BCKDHB: variants seen among roughly 807,000 people sequenced by gnomAD.
BCKDHB encodes the protein branched chain keto acid dehydrogenase E1 subunit beta.
In BCKDHB, 41 loss-of-function variants were observed where a neutral mutation model predicts 48.5. The observed-to-expected ratio is 0.85, with a 90% confidence interval of 0.66 to 1.10. The LOEUF (loss-of-function observed/expected upper bound fraction) is 1.10, where lower values mean the gene tolerates loss of function less well. Ranked by LOEUF, BCKDHB falls within the 50% of genes least tolerant of loss-of-function variation. The pLI is 0.00. For synonymous variants in BCKDHB, 201 were observed against 174.8 expected, an observed-to-expected ratio of 1.15 and a Z score of -1.18; for missense variants, 496 against 494.2, an observed-to-expected ratio of 1.00 and a Z score of -0.03.
At chr6:80,288,122 T>A (rs1190376446) in intron 9 of BCKDHB, among the ~76,000 whole-genome samples, 1 of 152,126 alleles carries the variant, frequency 6.6e-6, no homozygotes, top group Admixed American at 6.6e-5. Context: ...TGTTAGTAGT[T>A]AGTATTACGC....
chr6:80,213,099 T>C (rs1775013904), intron 8 of BCKDHB, among the ~76,000 whole-genome samples: 1 of 152,186 alleles, frequency 6.6e-6, no homozygotes, highest in Non-Finnish European at 1.5e-5. Flanking sequence ...AGTTTAACAA[T>C]GCTATGAAAA....
chr6:80,200,929 T>C lies in BCKDHB; in HGVS notation c.743-5T>C. ...CCTTTTTTTTTTTTCCTGTTCTGTA[T>C]TTAGCGGAAGAAGTCCCTATAGAAC... is the stretch of plus-strand genomic sequence containing the variant. On this transcript the variant is annotated splice_polypyrimidine_tract_variant and splice_region_variant and intron_variant, in intron 6 of 9. Transcript: ENST00000320393. 1 of 1,598,914 alleles carries C rather than the reference T, an allele frequency of 6.3e-7. No homozygotes were observed. The highest frequency in any genetic ancestry group is 8.6e-7 in the Non-Finnish European group (1 of 1,166,516).
At chr6:80,410,630 G>C in the BCKDHB span, among the ~76,000 whole-genome samples, 1 of 152,146 alleles carries the variant, frequency 6.6e-6, no homozygotes, top group African/African-American at 2.4e-5. Context: ...TTTCTTGGAG[G>C]CTTTGTTCAT....
intron 6 of BCKDHB, among the ~76,000 whole-genome samples, chr6:80,182,710 A>G (rs2490245): frequency 0.65 from 99,543 of 151,980 alleles, 33,455 homozygotes; most frequent in African/African-American, 0.8. Context: ...CAGATTTTGT[A>G]TGTGTAACAT....
chr6:80,362,551 A>G, the BCKDHB span, among the ~76,000 whole-genome samples: 1 of 152,128 alleles, frequency 6.6e-6, no homozygotes, highest in Non-Finnish European at 1.5e-5. Context: ...ACTCATAGAT[A>G]AGGGCAACCA....
rs565443322 is a variant in BCKDHB, at chr6:80,208,315, G to A, written c.951+5103G>A. Among the ~76,000 whole-genome samples, 3 of 151,774 alleles carry A rather than the reference G, an allele frequency of 2.0e-5. No individual in the cohort carries two copies. In the East Asian group the frequency reaches 5.8e-4, roughly 29 times the overall value. ...AGATAGAATATATCAAAAGTTTCAA[G>A]AACCAGCTTAAGCCATGCTCAGAGG... On this transcript the variant is annotated intron_variant, in intron 8 of 9. Transcript: ENST00000320393.
the BCKDHB span, among the ~76,000 whole-genome samples, chr6:80,392,384 A>G: frequency 6.6e-6 from 1 of 150,822 alleles, no homozygotes; most frequent in Admixed American, 6.6e-5. Flanking sequence ...TTTATTTTGA[A>G]CTTTCCTTTA....
intron 9 of BCKDHB, among the ~76,000 whole-genome samples, chr6:80,295,173 A>G (rs1220748400): frequency 6.6e-6 from 1 of 152,166 alleles, no homozygotes. Flanking sequence ...CTACATTGAT[A>G]TATTGGGGGT....
chr6:80,306,782 G>A (rs1429637707), intron 9 of BCKDHB, among the ~76,000 whole-genome samples: 7 of 152,132 alleles, frequency 4.6e-5, no homozygotes, highest in African/African-American at 1.7e-4. Context: ...TAGCAGGCTT[G>A]AGTACTCTCA....
At chr6:80,138,600 A>G (rs1248420370) in intron 3 of BCKDHB, among the ~76,000 whole-genome samples, 3 of 152,124 alleles carry the variant, frequency 2.0e-5, no homozygotes, top group African/African-American at 4.8e-5. Flanking sequence ...AGTTTCATCC[A>G]TGTCCCTACA....
chr6:80,137,035 G>A (rs1026076417), intron 3 of BCKDHB, among the ~76,000 whole-genome samples: 1 of 152,098 alleles, frequency 6.6e-6, no homozygotes, highest in Non-Finnish European at 1.5e-5. Flanking sequence ...CAGCCACAGT[G>A]GAAAACAGTA....
chr6:80,333,364 TTTTA>T (rs1337033522), intron 9 of BCKDHB, among the ~76,000 whole-genome samples: 11 of 152,208 alleles, frequency 7.2e-5, no homozygotes, highest in African/African-American at 2.7e-4. Context: ...AAACAGCTAT[TTTTA>T]TTTATGATTA....
the BCKDHB span, among the ~76,000 whole-genome samples, chr6:80,453,776 G>A: frequency 1.3e-5 from 2 of 152,206 alleles, no homozygotes; most frequent in South Asian, 4.2e-4. Context: ...AAAGTGCTGA[G>A]GATTATAGTG....
intron 8 of BCKDHB, among the ~76,000 whole-genome samples, chr6:80,212,692 TG>T (rs1271253655): frequency 1.3e-5 from 2 of 152,214 alleles, no homozygotes; most frequent in East Asian, 3.8e-4. Flanking sequence ...AAGTATTATT[TG>T]GGAACTGATA....
intron 3 of BCKDHB, among the ~76,000 whole-genome samples, chr6:80,150,692 G>T (rs1562089741): frequency 6.6e-6 from 1 of 151,864 alleles, no homozygotes; most frequent in Non-Finnish European, 1.5e-5. Context: ...AAGTAGCTGG[G>T]ATTACAGGCG....
chr6:80,119,030 G>A (rs566291173), intron 1 of BCKDHB, among the ~76,000 whole-genome samples: 7 of 152,128 alleles, frequency 4.6e-5, no homozygotes, highest in African/African-American at 1.2e-4. Context: ...TGGCTCACGC[G>A]TGTAGTCCTA....
chr6:80,325,553 A>T (rs147282518), intron 9 of BCKDHB, among the ~76,000 whole-genome samples: 1 of 152,228 alleles, frequency 6.6e-6, no homozygotes, highest in Non-Finnish European at 1.5e-5. Flanking sequence ...GCCCATAACT[A>T]TTAATTTTAG....
intron 8 of BCKDHB, among the ~76,000 whole-genome samples, chr6:80,231,810 C>G (rs1435451804): frequency 6.6e-6 from 1 of 152,134 alleles, no homozygotes; most frequent in Non-Finnish European, 1.5e-5. Context: ...ACTAAAGATA[C>G]AAAAATTAGC....
At chr6:80,156,338 T>C (rs1363077232) in intron 3 of BCKDHB, among the ~76,000 whole-genome samples, 1 of 152,050 alleles carries the variant, frequency 6.6e-6, no homozygotes, top group African/African-American at 2.4e-5. Flanking sequence ...ATCTGAAGTG[T>C]ATGAGGCTTT....
Sources: allele counts gnomAD v4.1 joint callset (sites outside exome capture counted in the v4.1 genomes callset), GRCh38; gene constraint gnomAD v4.1.1; transcripts MANE v1.5; gene names NCBI Gene and HGNC (gene_info 2026-07-23, HGNC 2026-07-21).